The following SLC26A9 variants were observed in gnomAD, a reference collection of about 807,000 sequenced individuals.
SLC26A9 encodes the protein solute carrier family 26 member 9.
A neutral mutation model predicts 87.1 loss-of-function variants in SLC26A9; 46 were observed. The observed-to-expected ratio is 0.53, with a 90% CI of 0.42 to 0.67. The LOEUF (loss-of-function observed/expected upper bound fraction) is 0.67, where lower values mean the gene tolerates loss of function less well. Ranked by LOEUF, SLC26A9 falls within the 30% of genes least tolerant of loss-of-function variation. The probability of loss-of-function intolerance (pLI) is 0.00; values close to 1 mark genes in which losing one functional copy is unlikely to be tolerated. For synonymous variants in SLC26A9, 437 were observed against 409.1 expected (o/e 1.07, Z -0.82); for missense variants, 927 against 1,018.3 (o/e 0.91, Z 1.22).
Position 205,915,138 on chromosome 1 carries a change from C to T in SLC26A9, c.*219G>A. The stretch of plus-strand genomic sequence containing the variant: ...GGGTGAAGAGTGGGCTCACCAGACT[C>T]TCACTCCTGTAAGGGTAGCACCCCC... On this transcript the variant is annotated 3_prime_UTR_variant, in exon 21 of 21. Coordinates refer to ENST00000367135, the MANE Select transcript of SLC26A9 (RefSeq NM_052934.4). The T allele has an allele frequency of 6.2e-7, 1 of 1,613,614 alleles. No individual in the cohort carries two copies.
intron 1 of SLC26A9, among the ~76,000 whole-genome samples, chr1:205,939,067 T>A (rs1197194834): frequency 6.6e-6 from 1 of 152,224 alleles, no homozygotes; most frequent in Non-Finnish European, 1.5e-5. Flanking sequence ...CATCTGCCCA[T>A]CCCAGGAATA....
At position 205,913,450 on chromosome 1, in the gene SLC26A9, TG is replaced by T; in HGVS notation, c.*1906del. On this transcript the variant is annotated 3_prime_UTR_variant, in exon 21 of 21. Coordinates refer to ENST00000367135, the MANE Select transcript of SLC26A9 (RefSeq NM_052934.4). ...ATCTCCTTCAGTTCTGAGGCTGGTC[TG>T]GGGGTTAATGATTACTTGGGGGTTA... is the stretch of plus-strand genomic sequence containing the variant. The T allele has an allele frequency of 6.6e-6, 1 of 152,642 alleles. No individual in the cohort carries two copies. 9.5% of individuals were successfully genotyped at this position (152,642 alleles called of 1,614,324 possible). A position where few individuals can be genotyped will look rare whatever the true frequency, so the allele number is the denominator to read the frequency against.
chr1:205,926,500 G>A (rs1659072345), intron 12 of SLC26A9, 35 bp downstream of exon 12: 1 of 1,554,668 alleles, frequency 6.4e-7, no homozygotes, highest in Admixed American at 1.7e-5. Flanking sequence ...GAGGGCAGGG[G>A]CATGGCCAGT....
At chr1:205,917,380 A>G (rs1265248468) in intron 19 of SLC26A9, 26 bp from the exon 20 acceptor site, 2 of 1,613,526 alleles carry the variant, frequency 1.2e-6, no homozygotes, top group South Asian at 2.2e-5. Flanking sequence ...CCAGTGCAGA[A>G]TGAGCTTCAG....
chr1:205,917,267 C>T lies in SLC26A9; in HGVS notation c.2328+16G>A. The T allele has an allele frequency of 6.2e-7, 1 of 1,613,902 alleles. No homozygotes were observed. ...TCGCCCTGCTCCCACCCTCACAGCC[C>T]CTTCCCTCAGCTCACCTGCTCTAAG... On this transcript the variant is annotated intron_variant, in intron 20 of 20. Coordinates refer to ENST00000367135, the MANE Select transcript of SLC26A9 (RefSeq NM_052934.4).
intron 1 of SLC26A9, among the ~76,000 whole-genome samples, chr1:205,936,569 C>T (rs931209342): frequency 1.3e-5 from 2 of 152,236 alleles, no homozygotes; most frequent in African/African-American, 4.8e-5. Flanking sequence ...AGTGCCAGGG[C>T]CCCTGAGGCC....
chr1:205,929,074 AT>A, intron 7 of SLC26A9, 129 bp downstream of exon 7: 1 of 1,467,088 alleles, frequency 6.8e-7, no homozygotes, highest in Non-Finnish European at 9.3e-7. Flanking sequence ...CATACGGGGG[AT>A]GGGATGGATT....
At chr1:205,920,589 C>T (rs924128154) in intron 17 of SLC26A9, among the ~76,000 whole-genome samples, 1 of 152,198 alleles carries the variant, frequency 6.6e-6, no homozygotes, top group African/African-American at 2.4e-5. Context: ...CAACCTCCGC[C>T]TCCTGGGTTC....
chr1:205,922,832 GA>G (rs1459146600), intron 16 of SLC26A9, among the ~76,000 whole-genome samples: 1 of 152,194 alleles, frequency 6.6e-6, no homozygotes, highest in Non-Finnish European at 1.5e-5. Context: ...CCCAGAGGTG[GA>G]GGTTGCAGTG....
chr1:205,921,886 C>G, intron 16 of SLC26A9, 39 bp from the exon 17 acceptor site: 1 of 1,576,420 alleles, frequency 6.3e-7, no homozygotes. Context: ...CAGGGACCAC[C>G]AGACTGAGCC....
In SLC26A9 at chr1:205,918,993, G is replaced by A. The variant is rs1364819445; in HGVS notation, c.2111-8C>T. The A allele has an allele frequency of 6.2e-7, 1 of 1,613,730 alleles. No homozygotes were observed. Among genetic ancestry groups the A allele is most frequent in the South Asian group, 1.1e-5 (1 of 91,070 alleles). ...TGTCATTGTACACCTGGGCTAGAAG[G>A]AGAAAAGATCACCTTCAGAAAGATA... On this transcript the variant is annotated splice_region_variant and splice_polypyrimidine_tract_variant and intron_variant, in intron 18 of 20. Transcript: ENST00000367135.
chr1:205,932,010 C>A lies in SLC26A9; in HGVS notation c.402G>T (p.Leu134=), dbSNP rs1388605586. The stretch of plus-strand genomic sequence containing the variant: ...CCAGCTGCAGACAGATGTTACCCAC[C>A]AGGATGCTGATAACGGCAAAGGTAC... The part of the protein sequence containing the change: ...VPGTFAVISI[L]VGNICLQLAP... Residue 134 remains leucine (L), a synonymous_variant, in exon 5 of 21, where the codon CTG becomes CTT. Coordinates refer to ENST00000367135, the MANE Select transcript of SLC26A9 (RefSeq NM_052934.4). 1.9e-6 allele frequency: 3 copies of A among 1,614,212 alleles called. No homozygotes were observed. In the Admixed American group the frequency reaches 5.0e-5, roughly 27 times the overall value.
rs138254059 is a variant in SLC26A9, at chr1:205,929,218, T to C, written c.856A>G (p.Thr286Ala). The change falls in exon 7 of 21, where the codon ACA becomes GCA. Residue 286 changes from threonine (T) to alanine (A), a missense_variant. Thr to Ala is a moderately conservative substitution (Grantham distance 58). Transcript: ENST00000367135. ...YMHKIRFPIP[T>A]EMIVVVVATA... The stretch of plus-strand genomic sequence containing the variant: ...AAGGTCCTTACCACAATCATCTCTG[T>C]AGGGATGGGGAAGCGAATCTTGTGC... The C allele has an allele frequency of 3.5e-5, 57 of 1,613,918 alleles. No homozygotes were observed. Among genetic ancestry groups the C allele is most frequent in the Non-Finnish European group, 4.7e-5 (56 of 1,179,992 alleles).
At chr1:205,939,298 C>T (rs1424214007) in intron 1 of SLC26A9, among the ~76,000 whole-genome samples, 6 of 152,216 alleles carry the variant, frequency 3.9e-5, no homozygotes, top group Non-Finnish European at 8.8e-5. Flanking sequence ...CAAAGCTGAT[C>T]TCAGGACAAT....
rs1183529528 is a variant in SLC26A9, at chr1:205,914,535, GA to G, written c.*821del. 4.1e-6 allele frequency: 1 copy of G among 246,338 alleles called. No homozygotes were observed. Among genetic ancestry groups the G allele is most frequent in the African/African-American group, 2.2e-5 (1 of 45,066 alleles). The allele number at this position is 246,338 out of a possible 1,614,324, so 15.3% of individuals were successfully genotyped here. ...GGTATCTATTACTAGGATGCCAGAT[GA>G]TTCTGCCAGCTACCCATCCCCCTCT... On this transcript the variant is annotated 3_prime_UTR_variant, in exon 21 of 21. Coordinates refer to ENST00000367135, the MANE Select transcript of SLC26A9 (RefSeq NM_052934.4).
In SLC26A9 at chr1:205,920,688, C is replaced by T. The variant is rs191590758; in HGVS notation, c.2056-458G>A. Among the ~76,000 whole-genome samples the T allele has an allele frequency of 3.2e-3, 491 of 152,212 alleles. 7 individuals carry two copies. Among genetic ancestry groups the T allele is most frequent in the Admixed American group, 0.023 (354 of 15,302 alleles). On this transcript the variant is annotated intron_variant, in intron 17 of 20. Coordinates refer to ENST00000367135, the MANE Select transcript of SLC26A9 (RefSeq NM_052934.4). Reference sequence around the variant, plus strand: ...CTAATTTTTGTATTTTTAGTAGAGGCGGGGTTTCACCATGTTGGCCAGGCT... The same window carrying T: ...CTAATTTTTGTATTTTTAGTAGAGGTGGGGTTTCACCATGTTGGCCAGGCT...
At chr1:205,919,124 T>C in intron 18 of SLC26A9, 139 bp from the exon 19 acceptor site, 1 of 1,059,698 alleles carries the variant, frequency 9.4e-7, no homozygotes, top group Non-Finnish European at 1.4e-6. Flanking sequence ...GGCCATGGCA[T>C]TGGCAGTGCA....
At chr1:205,923,944 T>C (rs1658955250) in intron 13 of SLC26A9, among the ~76,000 whole-genome samples, 1 of 152,096 alleles carries the variant, frequency 6.6e-6, no homozygotes, top group Admixed American at 6.5e-5. Flanking sequence ...CCCCCAACAT[T>C]CAGCGTACTC....
intron 4 of SLC26A9, 26 bp from the exon 5 acceptor site, chr1:205,932,061 A>G: frequency 6.2e-7 from 1 of 1,612,614 alleles, no homozygotes. Context: ...CAGCCAGCAA[A>G]AATCAGAGGT....
Sources: allele counts gnomAD v4.1 joint callset (sites outside exome capture counted in the v4.1 genomes callset), GRCh38; gene constraint gnomAD v4.1.1; transcripts MANE v1.5; gene names NCBI Gene and HGNC (gene_info 2026-07-23, HGNC 2026-07-21).